The following FAM162A variants were observed in gnomAD, a reference collection of about 807,000 sequenced individuals.
FAM162A encodes the protein family with sequence similarity 162 member A.
In FAM162A, 23 loss-of-function variants were observed where a neutral mutation model predicts 21.8. The ratio of observed to expected loss-of-function variants is 1.05; its 90% CI spans 0.76 to 1.49. The LOEUF is 1.49. Among genes scored for constraint, FAM162A ranks in the 40% most tolerant of loss-of-function variants. The pLI, the probability that FAM162A is intolerant of heterozygous loss-of-function variation, is 0.00. For missense variants in FAM162A, 165 were observed against 186.4 expected (o/e 0.89, Z 0.67); for synonymous variants, 53 against 61.3 (o/e 0.86, Z 0.64).
intron 1 of FAM162A, among the ~76,000 whole-genome samples, chr3:122,391,116 T>G (rs939220740): frequency 6.6e-6 from 1 of 152,256 alleles, no homozygotes; most frequent in Non-Finnish European, 1.5e-5. Context: ...CATGTTGTTA[T>G]AATTGCAAAA....
chr3:122,401,837 G>C (rs1480897484), intron 1 of FAM162A, among the ~76,000 whole-genome samples: 1 of 151,924 alleles, frequency 6.6e-6, no homozygotes, highest in South Asian at 2.1e-4. Context: ...TTGATAATTT[G>C]TTTAAGTTCC....
chr3:122,401,082 A>C (rs1168327195), intron 1 of FAM162A, among the ~76,000 whole-genome samples: 1 of 152,202 alleles, frequency 6.6e-6, no homozygotes, highest in African/African-American at 2.4e-5. Flanking sequence ...AAAGTTGAGT[A>C]ATAACTGTAA....
At chr3:122,409,650 C>G (rs956914991) in intron 4 of FAM162A, 89 bp from the exon 5 acceptor site, 10 of 1,121,618 alleles carry the variant, frequency 8.9e-6, no homozygotes, top group Non-Finnish European at 1.3e-5. Flanking sequence ...GCCTCCATGC[C>G]TCTGTTAACC....
intron 4 of FAM162A, among the ~76,000 whole-genome samples, chr3:122,409,028 C>T (rs555570407): frequency 3.9e-5 from 6 of 152,020 alleles, no homozygotes; most frequent in African/African-American, 9.7e-5. Flanking sequence ...CCCCACCCCC[C>T]GCCACATACC....
At chr3:122,402,690 A>G in intron 1 of FAM162A, 70 bp from the exon 2 acceptor site, 1 of 1,395,592 alleles carries the variant, frequency 7.2e-7, no homozygotes, top group Non-Finnish European at 9.5e-7. Flanking sequence ...ACTTGCGGGT[A>G]TTTCTTATTT....
At chr3:122,401,581 A>T (rs2075653763) in intron 1 of FAM162A, 1 of 1,218,214 alleles carries the variant, frequency 8.2e-7, no homozygotes, top group African/African-American at 1.6e-5. Flanking sequence ...AGCTCAGGTG[A>T]TTATAATTTC....
At chr3:122,384,557 C>T (rs1335472557) in intron 1 of FAM162A, among the ~76,000 whole-genome samples, 1 of 152,094 alleles carries the variant, frequency 6.6e-6, no homozygotes, top group African/African-American at 2.4e-5. Flanking sequence ...ACGCGCCTAC[C>T]CTTCTCCCCA....
chr3:122,405,027 C>G (rs1223138848), intron 3 of FAM162A, among the ~76,000 whole-genome samples: 1 of 152,178 alleles, frequency 6.6e-6, no homozygotes. Flanking sequence ...TGCTGACAAC[C>G]AGAAATGTCT....
At chr3:122,396,019 T>C (rs2332181) in intron 1 of FAM162A, among the ~76,000 whole-genome samples, 90,910 of 152,008 alleles carry the variant, frequency 0.6, 27,412 homozygotes, top group East Asian at 0.69. Flanking sequence ...TGGATCCTTT[T>C]CACAGAAAGT....
At chr3:122,385,189 A>G (rs1047078422) in intron 1 of FAM162A, among the ~76,000 whole-genome samples, 1 of 144,240 alleles carries the variant, frequency 6.9e-6, no homozygotes, top group Non-Finnish European at 1.5e-5. Flanking sequence ...GAAGTAATGC[A>G]AAAAAAAAGA....
Position 122,404,305 on chromosome 3 carries a change from A to G in FAM162A, c.205A>G (p.Lys69Glu), listed in dbSNP as rs1194045169. The G allele has an allele frequency of 2.5e-6, 4 of 1,610,116 alleles. No homozygotes were observed. The Admixed American group carries it at 6.7e-5, about 27-fold the overall frequency. The change falls in exon 3 of 5, where the codon AAG (lysine) becomes GAG (glutamate). Residue 69 changes from lysine to glutamate, a missense_variant. Physicochemically the swap from Lys to Glu is moderately conservative, Grantham distance 56. Transcript: ENST00000477892. Reference protein sequence around the residue: ...PLHKPTDWQKKILIWSGRFKK... With the variant: ...PLHKPTDWQKEILIWSGRFKK... The stretch of plus-strand genomic sequence containing the variant: ...ACACAAACCTACGGATTGGCAGAAA[A>G]AGATCCTCATATGGTCAGGTCGCTT...
At chr3:122,391,738 T>C (rs944756054) in intron 1 of FAM162A, among the ~76,000 whole-genome samples, 2 of 152,248 alleles carry the variant, frequency 1.3e-5, no homozygotes, top group African/African-American at 4.8e-5. Flanking sequence ...TAGAATCTTT[T>C]AGGGTCTTTG....
intron 4 of FAM162A, 133 bp downstream of exon 4, chr3:122,407,522 C>A: frequency 3.7e-5 from 23 of 619,400 alleles, no homozygotes; most frequent in Middle Eastern, 6.8e-4. Flanking sequence ...AAAAGATAAG[C>A]AAAAAAATAA....
chr3:122,396,332 T>A (rs955590239), intron 1 of FAM162A, among the ~76,000 whole-genome samples: 2 of 151,750 alleles, frequency 1.3e-5, no homozygotes, highest in South Asian at 4.1e-4. Flanking sequence ...TAAAAAAAAA[T>A]AGGCAGAGGA....
chr3:122,409,525 G>A (rs921008278), intron 4 of FAM162A, among the ~76,000 whole-genome samples: 2 of 152,064 alleles, frequency 1.3e-5, no homozygotes, highest in Admixed American at 6.6e-5. Flanking sequence ...GGAGAGGTGT[G>A]GCACTTCTTA....
At chr3:122,409,555 G>A (rs1271129457) in intron 4 of FAM162A, among the ~76,000 whole-genome samples, 184 bp from the exon 5 acceptor site, 1 of 152,106 alleles carries the variant, frequency 6.6e-6, no homozygotes, top group Admixed American at 6.5e-5. Context: ...GAGTGGATGA[G>A]CTGCTGTTCT....
chr3:122,388,590 A>C (rs55780469), intron 1 of FAM162A, among the ~76,000 whole-genome samples: 26,601 of 152,170 alleles, frequency 0.17, 2,533 homozygotes, highest in Middle Eastern at 0.28. Flanking sequence ...CTGGGAAAGA[A>C]GACATTAAAG....
chr3:122,404,584 G>A (rs1248282592), intron 3 of FAM162A, among the ~76,000 whole-genome samples: 2 of 152,232 alleles, frequency 1.3e-5, no homozygotes, highest in African/African-American at 2.4e-5. Context: ...GTGAAGAACT[G>A]TCAGGTACTC....
rs2075560958 is a variant in FAM162A at position 122,384,212 on chromosome 3, A to G, written c.-54A>G. On this transcript the variant is annotated 5_prime_UTR_variant, in exon 1 of 5. Transcript: ENST00000477892. ...AACGCTGGGTGACATTGAGCTCACC[A>G]GCGCCACCGTCCCCGGCGAAGTTCT... 6.4e-7 allele frequency: 1 copy of G among 1,551,346 alleles called. No individual in the cohort carries two copies. The highest frequency in any genetic ancestry group is 8.7e-7 in the Non-Finnish European group (1 of 1,147,648).
Sources: gnomAD v4.1 joint callset for allele counts (sites outside exome capture counted in the v4.1 genomes callset) on GRCh38, gnomAD v4.1.1 for gene constraint, MANE v1.5 for transcripts, NCBI Gene and HGNC (gene_info 2026-07-23, HGNC 2026-07-21) for gene names.